The following TMEM132C variants were observed in gnomAD, a reference collection of about 807,000 sequenced individuals.
TMEM132C encodes the protein transmembrane protein 132C, also known as protein phosphatase 1, regulatory subunit 152.
A neutral mutation model predicts 61.4 loss-of-function variants in TMEM132C; 29 were observed. The observed-to-expected ratio is 0.47, with a 90% CI of 0.35 to 0.64. TMEM132C has a LOEUF of 0.64. Ranked by LOEUF, TMEM132C falls within the 30% of genes least tolerant of loss-of-function variation. The pLI is 0.00. For missense variants in TMEM132C, 1,408 were observed against 1,476.9 expected (o/e 0.95, Z 0.76); for synonymous variants, 656 against 633.1 (o/e 1.04, Z -0.54).
At chr12:128,406,791 A>T (rs907648200) in intron 1 of TMEM132C, among the ~76,000 whole-genome samples, 1 of 152,222 alleles carries the variant, frequency 6.6e-6, no homozygotes, top group South Asian at 2.1e-4. Flanking sequence ...ATGAACGCTC[A>T]TGCACTTGGG....
intron 3 of TMEM132C, among the ~76,000 whole-genome samples, chr12:128,594,327 A>G (rs1193598222): frequency 6.6e-6 from 1 of 151,914 alleles, no homozygotes; most frequent in African/African-American, 2.4e-5. Context: ...CATATTCACC[A>G]CAGAGAGCCA....
intron 2 of TMEM132C, among the ~76,000 whole-genome samples, chr12:128,509,986 T>C (rs748979013): frequency 2.6e-5 from 4 of 152,224 alleles, no homozygotes; most frequent in Non-Finnish European, 5.9e-5. Context: ...CCTTACTGAG[T>C]AGGGGATGCT....
At chr12:128,391,528 G>A (rs983554771) in intron 1 of TMEM132C, among the ~76,000 whole-genome samples, 1 of 152,232 alleles carries the variant, frequency 6.6e-6, no homozygotes, top group Non-Finnish European at 1.5e-5. Context: ...TAGACACGGT[G>A]AGGGAACCAT....
chr12:128,371,042 C>G (rs78823879), intron 1 of TMEM132C, among the ~76,000 whole-genome samples: 5,477 of 152,044 alleles, frequency 0.036, 154 homozygotes, highest in Middle Eastern at 0.078. Context: ...CTAGAATCAT[C>G]GCAGGTCTAA....
chr12:128,620,747 C>T (rs1157535757), intron 4 of TMEM132C, among the ~76,000 whole-genome samples: 1 of 151,708 alleles, frequency 6.6e-6, no homozygotes, highest in Non-Finnish European at 1.5e-5. Flanking sequence ...TTTGCAAACT[C>T]ATTATGAAAT....
intron 1 of TMEM132C, among the ~76,000 whole-genome samples, chr12:128,335,000 T>C (rs1383054725): frequency 6.6e-6 from 1 of 152,254 alleles, no homozygotes; most frequent in African/African-American, 2.4e-5. Flanking sequence ...TTCTAAATAG[T>C]TGGAGATTTC....
chr12:128,580,103 C>T (rs1875274889), intron 3 of TMEM132C, among the ~76,000 whole-genome samples: 1 of 152,148 alleles, frequency 6.6e-6, no homozygotes, highest in African/African-American at 2.4e-5. Context: ...GTAATCTCTC[C>T]AAGCCTCAGT....
intron 5 of TMEM132C, among the ~76,000 whole-genome samples, chr12:128,675,838 A>AAGATAGATAGAT (rs369218169): frequency 0.022 from 3,198 of 143,084 alleles, 34 homozygotes; most frequent in East Asian, 0.032. Flanking sequence ...AGATAGATAG[A>AAGATAGATAGAT]AGATAGATAG....
At chr12:128,587,365 C>A (rs10847652) in intron 3 of TMEM132C, among the ~76,000 whole-genome samples, 1 of 151,944 alleles carries the variant, frequency 6.6e-6, no homozygotes, top group East Asian at 1.9e-4. Context: ...CGAATCTCAT[C>A]TGGCCAGAGG....
At chr12:128,301,140 G>A (rs1312591161) in intron 1 of TMEM132C, among the ~76,000 whole-genome samples, 1 of 152,200 alleles carries the variant, frequency 6.6e-6, no homozygotes, top group Non-Finnish European at 1.5e-5. Flanking sequence ...GAGGAGAGGT[G>A]TGCTGTGGGA....
At chr12:128,513,500 C>T (rs1872629704) in intron 2 of TMEM132C, among the ~76,000 whole-genome samples, 1 of 152,158 alleles carries the variant, frequency 6.6e-6, no homozygotes, top group African/African-American at 2.4e-5. Flanking sequence ...CACTTCTTGC[C>T]TTCTGGCAGA....
At chr12:128,446,406 A>G (rs1035412365) in intron 2 of TMEM132C, among the ~76,000 whole-genome samples, 1 of 152,226 alleles carries the variant, frequency 6.6e-6, no homozygotes, top group Non-Finnish European at 1.5e-5. Flanking sequence ...TGAGCCCACA[A>G]ATGCCAAGCG....
rs570182563 is a variant in TMEM132C, at chr12:128,626,436, A to G, written c.1305+10101A>G. ...GAGCCACTGCGCCTGGCCTGTGCTG[A>G]ACATTTTTATTTTTATTTTTATTTT... is the stretch of plus-strand genomic sequence containing the variant. On this transcript the variant is annotated intron_variant, in intron 4 of 8. Transcript: ENST00000435159. Among the ~76,000 whole-genome samples the G allele has an allele frequency of 4.0e-5, 4 of 99,276 alleles. No individual in the cohort carries two copies. The South Asian group carries it at 9.9e-4, about 25-fold the overall frequency. The allele number at this position is 99,276 out of a possible 152,430, so 65.1% of individuals were successfully genotyped here. A position where few individuals can be genotyped will look rare whatever the true frequency, so the allele number is the denominator to read the frequency against.
chr12:128,466,103 A>T (rs1593063425), intron 2 of TMEM132C, among the ~76,000 whole-genome samples: 1 of 152,300 alleles, frequency 6.6e-6, no homozygotes, highest in East Asian at 1.9e-4. Flanking sequence ...CAGGGTGGGG[A>T]GGTGGAAGTC....
chr12:128,350,361 C>T (rs1409366819), intron 1 of TMEM132C, among the ~76,000 whole-genome samples: 1 of 151,972 alleles, frequency 6.6e-6, no homozygotes. Flanking sequence ...GGCTAGGGGG[C>T]AAAGCAATGC....
chr12:128,468,913 C>A (rs1385334869), intron 2 of TMEM132C, among the ~76,000 whole-genome samples: 1 of 152,146 alleles, frequency 6.6e-6, no homozygotes, highest in African/African-American at 2.4e-5. Flanking sequence ...CGTCATGGTT[C>A]TAACAAAAAT....
chr12:128,658,442 C>T (rs1954351160), intron 4 of TMEM132C, among the ~76,000 whole-genome samples: 1 of 152,226 alleles, frequency 6.6e-6, no homozygotes, highest in Non-Finnish European at 1.5e-5. Flanking sequence ...CTGTCTCCAG[C>T]GTCCTCCTAA....
intron 3 of TMEM132C, among the ~76,000 whole-genome samples, chr12:128,545,704 GA>G (rs1456507279): frequency 4.6e-5 from 7 of 152,184 alleles, no homozygotes; most frequent in Admixed American, 4.6e-4. Flanking sequence ...TTTCTCTGAT[GA>G]TTAGTAATAT....
Position 128,570,011 on chromosome 12 carries a change from T to A in TMEM132C, c.1121+25908T>A, listed in dbSNP as rs1323441419. Among the ~76,000 whole-genome samples, 1 of 152,234 alleles carries A rather than the reference T, an allele frequency of 6.6e-6. No homozygotes were observed. On this transcript the variant is annotated intron_variant, in intron 3 of 8. Transcript: ENST00000435159. This position sits in a 1 kb window ranked among gnomAD's most constrained non-coding sequence, Gnocchi z 4.7. ...GATCACTTTCGATGCTCTTTTATTA[T>A]CATTGCCGTTAACGTGAGAAGTGAA...
Sources: gnomAD v4.1 joint callset for allele counts (sites outside exome capture counted in the v4.1 genomes callset) on GRCh38, gnomAD v4.1.1 for gene constraint, Gnocchi (gnomAD v3.1) non-coding constraint, MANE v1.5 for transcripts, NCBI Gene and HGNC (gene_info 2026-07-23, HGNC 2026-07-21) for gene names.